Variants in STYXL2 observed in about 807,000 individuals in gnomAD.
STYXL2 encodes the protein serine/threonine/tyrosine interacting like 2, also known as serine/threonine/tyrosine-interacting-like protein 2.
In STYXL2, 44 loss-of-function variants were observed where a neutral mutation model predicts 52.4. That is an observed-to-expected ratio of 0.84 (90% confidence interval 0.66 to 1.08). The LOEUF is 1.08. Among genes scored for constraint, STYXL2 ranks in the 50% least tolerant of loss-of-function variants. STYXL2 has a pLI of 0.00. For missense variants in STYXL2, 1,604 were observed against 1,471.7 expected, an observed-to-expected ratio of 1.09 and a Z score of -1.47; for synonymous variants, 604 against 586.9, an observed-to-expected ratio of 1.03 and a Z score of -0.42.
At chr1:167,107,640 A>T (rs1238788577) in intron 2 of STYXL2, among the ~76,000 whole-genome samples, 1 of 152,218 alleles carries the variant, frequency 6.6e-6, no homozygotes, top group African/African-American at 2.4e-5. Flanking sequence ...TTGAAGACAT[A>T]TTCAGTCAGT....
At position 167,102,105 on chromosome 1, in the gene STYXL2, C is replaced by A. The variant is rs187565858; in HGVS notation, c.110+7146C>A. On this transcript the variant is annotated intron_variant, in intron 2 of 5. Coordinates refer to ENST00000361200, the MANE Select transcript of STYXL2 (RefSeq NM_001080426.3). The stretch of plus-strand genomic sequence containing the variant: ...AATTCTAGAAAATGCAAACCCATCT[C>A]TACAGTGGCAGAAAGCAGTTTAATG... Among the ~76,000 whole-genome samples, 20 of 151,276 alleles carry A rather than the reference C, an allele frequency of 1.3e-4. No homozygotes were observed. The East Asian group carries it at 3.9e-3, about 29-fold the overall frequency.
rs1667662577 is a variant in STYXL2, at chr1:167,113,709, G to T, written c.111-1G>T. 2 of 1,609,456 alleles carry T rather than the reference G, an allele frequency of 1.2e-6. No homozygotes were observed. Among genetic ancestry groups the T allele is most frequent in the Non-Finnish European group, 8.5e-7 (1 of 1,175,866 alleles). ...CTCACGTGAATATCCTCTTCCCTTA[G>T]GTATTCGATGGTCTCAGATGCAGAA... is the stretch of plus-strand genomic sequence containing the variant. On this transcript the variant is annotated splice_acceptor_variant, in intron 2 of 5. Transcript: ENST00000361200. LOFTEE classifies it high-confidence loss of function.
intron 2 of STYXL2, 134 bp downstream of exon 2, chr1:167,095,093 A>G (rs1667255405): frequency 6.2e-6 from 4 of 646,890 alleles, no homozygotes; most frequent in Non-Finnish European, 8.2e-6. Context: ...GAGTACTTGT[A>G]TGTGTCCTAC....
At chr1:167,096,763 G>A (rs964942815) in intron 2 of STYXL2, among the ~76,000 whole-genome samples, 1 of 152,176 alleles carries the variant, frequency 6.6e-6, no homozygotes, top group Non-Finnish European at 1.5e-5. Flanking sequence ...GTCGATAATA[G>A]CAGTCTCAGC....
chr1:167,116,795 G>C (rs1667733428), intron 3 of STYXL2, among the ~76,000 whole-genome samples: 1 of 151,918 alleles, frequency 6.6e-6, no homozygotes, highest in Non-Finnish European at 1.5e-5. Context: ...GGGATTACAG[G>C]CACTCTCCAC....
intron 3 of STYXL2, among the ~76,000 whole-genome samples, chr1:167,115,623 A>G (rs1667707803): frequency 6.6e-6 from 1 of 152,200 alleles, no homozygotes; most frequent in African/African-American, 2.4e-5. Context: ...ATATGTAGTA[A>G]GGGAAAGACA....
At chr1:167,111,531 A>AAAT (rs1558021252) in intron 2 of STYXL2, among the ~76,000 whole-genome samples, 6 of 121,390 alleles carry the variant, frequency 4.9e-5, no homozygotes, top group Non-Finnish European at 7.4e-5. Context: ...CACACACACA[A>AAAT]ATATATATAT....
chr1:167,103,477 A>G (rs992825475), intron 2 of STYXL2, among the ~76,000 whole-genome samples: 2 of 152,158 alleles, frequency 1.3e-5, no homozygotes, highest in African/African-American at 4.8e-5. Context: ...CTGTCCTGGC[A>G]GGGAGTCTTA....
intron 2 of STYXL2, among the ~76,000 whole-genome samples, chr1:167,112,763 C>T (rs987740383): frequency 1.4e-4 from 22 of 152,300 alleles, no homozygotes; most frequent in Admixed American, 1.0e-3. Flanking sequence ...ATCGGTAATG[C>T]AGGAATAAAA....
rs1488666216 is a variant in STYXL2 at position 167,126,643 on chromosome 1, G to C, written c.1512G>C (p.Ala504=). The C allele has an allele frequency of 2.5e-6, 4 of 1,614,076 alleles. No individual in the cohort carries two copies. Among genetic ancestry groups the C allele is most frequent in the Non-Finnish European group, 2.5e-6 (3 of 1,180,014 alleles). Residue 504 remains alanine, a synonymous_variant, in exon 6 of 6, where the codon GCG becomes GCC. Coordinates refer to ENST00000361200, the MANE Select transcript of STYXL2 (RefSeq NM_001080426.3). ...RYHAKSKREE[A]ADRSSEAGSR... ...ACGCCAAGAGCAAGAGAGAGGAGGCGGCAGACAGGAGCTCAGAAGCAGGGA... is the reference window on the plus strand; with the variant it reads ...ACGCCAAGAGCAAGAGAGAGGAGGCCGCAGACAGGAGCTCAGAAGCAGGGA...
intron 5 of STYXL2, among the ~76,000 whole-genome samples, chr1:167,120,962 A>T (rs73031181): frequency 6.7e-6 from 1 of 150,142 alleles, no homozygotes; most frequent in East Asian, 1.9e-4. Context: ...ACATACACAC[A>T]CTCACATATA....
intron 5 of STYXL2, among the ~76,000 whole-genome samples, chr1:167,123,710 G>A (rs2492631): frequency 0.12 from 17,714 of 152,096 alleles, 1,134 homozygotes; most frequent in Non-Finnish European, 0.14. Context: ...TGTAGCCTTT[G>A]CCTCCTGGGT....
At chr1:167,125,015 G>A (rs1234518046) in intron 5 of STYXL2, among the ~76,000 whole-genome samples, 1 of 151,108 alleles carries the variant, frequency 6.6e-6, no homozygotes, top group Non-Finnish European at 1.5e-5. Flanking sequence ...AGAATAGTAA[G>A]GGAACATGAG....
At position 167,128,041 on chromosome 1, in the gene STYXL2, GAC is replaced by G. The variant is rs572127797; in HGVS notation, c.2912_2913del (p.Thr971ArgfsTer3). The G allele has an allele frequency of 1.0e-3, 1,634 of 1,614,230 alleles. 2 individuals carry two copies. The highest frequency in any genetic ancestry group is 1.2e-3 in the Non-Finnish European group (1,475 of 1,180,042). ...KYTRSSLLRE[T>X]ESKSSSYKFS... Reference sequence around the variant, plus strand: ...ACACCAGATCGTCCCTGCTCAGGGAGACAGAGTCTAAATCCTCCAGTTACAAG... The same window carrying G: ...ACACCAGATCGTCCCTGCTCAGGGAGAGAGTCTAAATCCTCCAGTTACAAG... On this transcript the variant is annotated frameshift_variant, in exon 6 of 6. Transcript: ENST00000361200. LOFTEE classifies it high-confidence loss of function.
intron 2 of STYXL2, among the ~76,000 whole-genome samples, chr1:167,098,736 C>G (rs993282332): frequency 6.6e-6 from 1 of 152,254 alleles, no homozygotes; most frequent in Admixed American, 6.5e-5. Flanking sequence ...TCACGTTTGG[C>G]AGTTTATGTT....
chr1:167,112,398 T>C (rs1033269988), intron 2 of STYXL2, among the ~76,000 whole-genome samples: 4 of 152,230 alleles, frequency 2.6e-5, no homozygotes, highest in African/African-American at 9.6e-5. Context: ...GTTCTACTAA[T>C]CAATTCAACT....
chr1:167,107,413 A>T (rs1644440187), intron 2 of STYXL2, among the ~76,000 whole-genome samples: 1 of 152,244 alleles, frequency 6.6e-6, no homozygotes, highest in Admixed American at 6.5e-5. Flanking sequence ...CTCTACCATA[A>T]GAAAAAATTA....
chr1:167,124,781 G>C (rs1667926158), intron 5 of STYXL2, among the ~76,000 whole-genome samples: 1 of 152,164 alleles, frequency 6.6e-6, no homozygotes, highest in African/African-American at 2.4e-5. Context: ...GGATGTAAAA[G>C]ATAACTTGAG....
At chr1:167,109,939 C>A (rs1927323) in intron 2 of STYXL2, among the ~76,000 whole-genome samples, 54,620 of 152,060 alleles carry the variant, frequency 0.36, 11,749 homozygotes, top group East Asian at 0.73. Context: ...AGTAAACAAA[C>A]CTATAACCAA....
Sources: allele counts gnomAD v4.1 joint callset (sites outside exome capture counted in the v4.1 genomes callset), GRCh38; gene constraint gnomAD v4.1.1; transcripts MANE v1.5; gene names NCBI Gene and HGNC (gene_info 2026-07-23, HGNC 2026-07-21).